RASA2: variants seen among roughly 807,000 people sequenced by gnomAD.
The protein encoded by RASA2 is RAS p21 protein activator 2.
RASA2 carries 155 observed loss-of-function variants against 118.2 expected under a neutral mutation model. The ratio of observed to expected loss-of-function variants is 1.31; its 90% CI spans 1.15 to 1.50. The LOEUF is 1.50. Ranked by LOEUF, RASA2 falls within the 40% of genes most tolerant of loss-of-function variation. The probability of loss-of-function intolerance (pLI) is 0.00; values close to 1 mark genes in which losing one functional copy is unlikely to be tolerated. For missense variants in RASA2, 1,016 were observed against 1,009.6 expected (o/e 1.01, Z -0.09); for synonymous variants, 353 against 349.1 (o/e 1.01, Z -0.12).
chr3:141,542,443 A>G (rs2082418726), intron 5 of RASA2, among the ~76,000 whole-genome samples: 1 of 152,094 alleles, frequency 6.6e-6, no homozygotes, highest in Non-Finnish European at 1.5e-5. Context: ...TGATGCCCAT[A>G]TTGGTTAAAT....
intron 1 of RASA2, among the ~76,000 whole-genome samples, chr3:141,506,282 A>T (rs549692088): frequency 5.3e-5 from 8 of 152,354 alleles, no homozygotes; most frequent in Non-Finnish European, 1.0e-4. Context: ...AAATAGTGAC[A>T]GTTGTACACA....
chr3:141,555,662 A>G (rs1279479319), intron 6 of RASA2, among the ~76,000 whole-genome samples, 178 bp from the exon 7 acceptor site: 1 of 151,858 alleles, frequency 6.6e-6, no homozygotes, highest in Non-Finnish European at 1.5e-5. Flanking sequence ...AAGCTTATAT[A>G]TTCTTTGATT....
intron 2 of RASA2, among the ~76,000 whole-genome samples, chr3:141,515,074 C>T (rs2082003395): frequency 6.6e-6 from 1 of 152,122 alleles, no homozygotes; most frequent in Admixed American, 6.5e-5. Flanking sequence ...GTGGAAGCTA[C>T]ACAGTTGTAT....
rs114550589 is a variant in RASA2, at chr3:141,514,654, C to A, written c.252-1674C>A. Among the ~76,000 whole-genome samples, 968 of 152,286 alleles carry A rather than the reference C, an allele frequency of 6.4e-3. 13 individuals are homozygous for A. Among genetic ancestry groups the A allele is most frequent in the African/African-American group, 0.022 (931 of 41,536 alleles). ...CAGTTTCTTGTAAATTACACATTCA[C>A]CTGCCTTTTAACTCAGCAGTTGCAT... is the stretch of plus-strand genomic sequence containing the variant. On this transcript the variant is annotated intron_variant, in intron 2 of 23. Transcript: ENST00000286364.
intron 1 of RASA2, among the ~76,000 whole-genome samples, chr3:141,497,048 A>G (rs1159804147): frequency 2.0e-5 from 3 of 151,938 alleles, no homozygotes; most frequent in Non-Finnish European, 4.4e-5. Flanking sequence ...CATCATTCTC[A>G]GCAAACTATC....
intron 1 of RASA2, among the ~76,000 whole-genome samples, chr3:141,505,869 G>A (rs1234728248): frequency 6.6e-6 from 1 of 152,096 alleles, no homozygotes; most frequent in Admixed American, 6.6e-5. Context: ...TTTAAGATAT[G>A]TATGATTTAG....
chr3:141,612,637 C>G lies in RASA2; in HGVS notation c.*324C>G. The G allele has an allele frequency of 4.0e-6, 1 of 248,538 alleles. No individual in the cohort carries two copies. Among genetic ancestry groups the G allele is most frequent in the Non-Finnish European group, 7.7e-6 (1 of 129,304 alleles). The allele number at this position is 248,538 out of a possible 1,614,324, so 15.4% of individuals were successfully genotyped here. A position where few individuals can be genotyped will look rare whatever the true frequency, so the allele number is the denominator to read the frequency against. ...ACTCCTCCGTAGCAAGAAACCATCT[C>G]TTCTTGTAACACTCTGTTCTGTGGA... On this transcript the variant is annotated 3_prime_UTR_variant, in exon 24 of 24. Coordinates refer to ENST00000286364, the MANE Select transcript of RASA2 (RefSeq NM_006506.5).
intron 1 of RASA2, among the ~76,000 whole-genome samples, chr3:141,504,106 C>T (rs1186316457): frequency 2.0e-5 from 3 of 152,088 alleles, no homozygotes; most frequent in African/African-American, 7.2e-5. Context: ...AGAATTGGTC[C>T]CCTTCCTCAA....
intron 3 of RASA2, among the ~76,000 whole-genome samples, chr3:141,517,613 C>T (rs930611759): frequency 4.6e-5 from 7 of 152,170 alleles, no homozygotes; most frequent in Non-Finnish European, 7.4e-5. Flanking sequence ...ATGACATTTT[C>T]GTGGGGACAC....
chr3:141,492,196 T>G (rs899070636), intron 1 of RASA2, among the ~76,000 whole-genome samples: 7 of 152,236 alleles, frequency 4.6e-5, no homozygotes, highest in African/African-American at 1.7e-4. Context: ...GATCCTTAAG[T>G]GACTAATATA....
At chr3:141,585,593 G>A (rs926061855) in intron 17 of RASA2, among the ~76,000 whole-genome samples, 1 of 152,228 alleles carries the variant, frequency 6.6e-6, no homozygotes, top group East Asian at 1.9e-4. Context: ...GAGGCCAGGA[G>A]TTCAAGACCA....
chr3:141,492,134 A>G (rs1269585511), intron 1 of RASA2, among the ~76,000 whole-genome samples: 1 of 152,160 alleles, frequency 6.6e-6, no homozygotes, highest in Non-Finnish European at 1.5e-5. Context: ...CGGGAGGTAA[A>G]CCTCAGTGAG....
chr3:141,581,425 G>T (rs1481713593), intron 17 of RASA2, among the ~76,000 whole-genome samples: 1 of 152,124 alleles, frequency 6.6e-6, no homozygotes, highest in Non-Finnish European at 1.5e-5. Context: ...AGATGTCTAG[G>T]GTTAGGATTT....
At chr3:141,606,512 G>A (rs2083551577) in intron 19 of RASA2, among the ~76,000 whole-genome samples, 1 of 151,972 alleles carries the variant, frequency 6.6e-6, no homozygotes, top group Admixed American at 6.6e-5. Flanking sequence ...TACTCCTTTA[G>A]GAGCCTTATA....
chr3:141,609,626 CA>C (rs1349172462), intron 22 of RASA2, 103 bp downstream of exon 22: 4 of 947,010 alleles, frequency 4.2e-6, no homozygotes, highest in Non-Finnish European at 6.0e-6. Context: ...ATAGATTTAC[CA>C]AAATGTTATT....
chr3:141,574,417 C>G (rs2151132546), intron 14 of RASA2, among the ~76,000 whole-genome samples: 1 of 152,210 alleles, frequency 6.6e-6, no homozygotes, highest in Non-Finnish European at 1.5e-5. Flanking sequence ...TCTCGATCTC[C>G]TGAACTCGTG....
intron 7 of RASA2, among the ~76,000 whole-genome samples, chr3:141,557,774 A>G (rs1397896024): frequency 1.3e-5 from 2 of 152,212 alleles, no homozygotes; most frequent in African/African-American, 4.8e-5. Context: ...GAAGAGGCAG[A>G]TAAAAGAGAG....
chr3:141,527,412 A>G (rs1401804229), intron 3 of RASA2, among the ~76,000 whole-genome samples: 1 of 152,136 alleles, frequency 6.6e-6, no homozygotes, highest in Admixed American at 6.5e-5. Context: ...GAGAGGACAT[A>G]AAAGATACAC....
At chr3:141,492,846 A>C (rs147171909) in intron 1 of RASA2, among the ~76,000 whole-genome samples, 185 of 152,322 alleles carry the variant, frequency 1.2e-3, no homozygotes, top group African/African-American at 4.3e-3. Context: ...CACGTAATAC[A>C]TATCGAAGGG....
Sources: gnomAD v4.1 joint callset for allele counts (sites outside exome capture counted in the v4.1 genomes callset) on GRCh38, gnomAD v4.1.1 for gene constraint, MANE v1.5 for transcripts, NCBI Gene and HGNC (gene_info 2026-07-23, HGNC 2026-07-21) for gene names.